The following TPRA1 variants were observed in gnomAD, a reference collection of about 807,000 sequenced individuals.
TPRA1 encodes transmembrane protein adipocyte-associated 1.
In TPRA1, 28 loss-of-function variants were observed where a neutral mutation model predicts 40.1. The observed-to-expected ratio is 0.70, with a 90% CI of 0.52 to 0.96. The LOEUF (loss-of-function observed/expected upper bound fraction) is 0.96, where lower values mean the gene tolerates loss of function less well. Among genes scored for constraint, TPRA1 ranks in the 40% least tolerant of loss-of-function variants. The probability of loss-of-function intolerance (pLI) is 0.00; values close to 1 mark genes in which losing one functional copy is unlikely to be tolerated. For missense variants in TPRA1, 441 were observed against 482.6 expected, an observed-to-expected ratio of 0.91 and a Z score of 0.81; for synonymous variants, 219 against 209.7, an observed-to-expected ratio of 1.04 and a Z score of -0.38.
intron 1 of TPRA1, 129 bp from the exon 2 acceptor site, chr3:127,580,292 C>T: frequency 1.9e-6 from 2 of 1,057,584 alleles, no homozygotes; most frequent in Middle Eastern, 3.1e-4. Context: ...CCCTCCCCAC[C>T]CACTGCAGCT....
At chr3:127,590,025 G>C (rs1425226135) in intron 1 of TPRA1, among the ~76,000 whole-genome samples, 1 of 152,222 alleles carries the variant, frequency 6.6e-6, no homozygotes, top group Non-Finnish European at 1.5e-5. Flanking sequence ...GCTTGGCTCA[G>C]GAGCACCTCG....
intron 3 of TPRA1, among the ~76,000 whole-genome samples, chr3:127,578,473 G>T (rs2073719570): frequency 1.3e-5 from 2 of 152,202 alleles, no homozygotes; most frequent in Admixed American, 1.3e-4. Context: ...GTCCCCAAAA[G>T]TTGATGGGCT....
intron 7 of TPRA1, 38 bp from the exon 8 acceptor site, chr3:127,575,847 G>A (rs765846043): frequency 1.6e-5 from 26 of 1,611,410 alleles, no homozygotes; most frequent in Admixed American, 1.0e-4. Flanking sequence ...TGCTGGGGGC[G>A]CCAGCCCAGA....
At chr3:127,581,679 G>A (rs899576727) in intron 1 of TPRA1, among the ~76,000 whole-genome samples, 1 of 151,822 alleles carries the variant, frequency 6.6e-6, no homozygotes, top group Middle Eastern at 3.4e-3. Context: ...TTGGGAGGCC[G>A]AGGCGGGCAG....
intron 1 of TPRA1, 104 bp from the exon 2 acceptor site, chr3:127,580,267 C>T: frequency 7.3e-7 from 1 of 1,363,148 alleles, no homozygotes; most frequent in Non-Finnish European, 9.8e-7. Context: ...CTGCACAGAG[C>T]ACCCCTGTAA....
chr3:127,591,688 G>C (rs147036508), upstream of TPRA1, among the ~76,000 whole-genome samples: 3 of 152,128 alleles, frequency 2.0e-5, no homozygotes, highest in Non-Finnish European at 4.4e-5. Context: ...ATTTCCTTCC[G>C]AGCATCTTAA....
At chr3:127,579,947 C>T in intron 2 of TPRA1, 75 bp from the exon 3 acceptor site, 1 of 1,609,002 alleles carries the variant, frequency 6.2e-7, no homozygotes. Context: ...CAATCTGCCC[C>T]ACCCTCACCA....
intron 7 of TPRA1, 28 bp downstream of exon 7, chr3:127,575,912 A>G (rs2073601537): frequency 6.2e-7 from 1 of 1,612,618 alleles, no homozygotes; most frequent in East Asian, 2.2e-5. Flanking sequence ...GGCCCCAGCC[A>G]CCCCAGCTGC....
chr3:127,579,780 C>A lies in TPRA1; in HGVS notation c.218G>T (p.Arg73Leu). The change falls in exon 3 of 11, where the codon CGC becomes CTC. Residue 73 changes from arginine to leucine, a missense_variant. Coordinates refer to ENST00000355552, the MANE Select transcript of TPRA1 (RefSeq NM_001136053.4). ...WKLPSARAKI[R>L]ITSSPIFITF... ...GATAAAAATGGGGCTGGAGGTGATG[C>A]GGATCTTCGCCCGAGCAGATGGAAG... The A allele has an allele frequency of 6.2e-7, 1 of 1,614,092 alleles. No individual in the cohort carries two copies. Among genetic ancestry groups the A allele is most frequent in the Non-Finnish European group, 8.5e-7 (1 of 1,180,026 alleles).
At chr3:127,589,816 C>T (rs1288352653) in intron 1 of TPRA1, among the ~76,000 whole-genome samples, 1 of 152,214 alleles carries the variant, frequency 6.6e-6, no homozygotes, top group East Asian at 1.9e-4. Flanking sequence ...CGACACGAGC[C>T]CTCAACAGGT....
intron 1 of TPRA1, among the ~76,000 whole-genome samples, chr3:127,582,080 A>G (rs907099593): frequency 6.6e-6 from 1 of 152,224 alleles, no homozygotes; most frequent in African/African-American, 2.4e-5. Flanking sequence ...CACCAAAGCT[A>G]TCCCTGAACA....
upstream of TPRA1, chr3:127,594,819 A>T (rs2107678957): frequency 6.6e-6 from 1 of 152,464 alleles, no homozygotes; most frequent in African/African-American, 2.4e-5. Flanking sequence ...CAGCGGTCGC[A>T]TGGAGCCCTT....
intron 3 of TPRA1, among the ~76,000 whole-genome samples, chr3:127,578,286 A>G (rs916637325): frequency 6.6e-6 from 1 of 152,246 alleles, no homozygotes; most frequent in African/African-American, 2.4e-5. Context: ...AGACGACTTC[A>G]TAGGTGCTCA....
chr3:127,574,192 C>T lies in TPRA1; in HGVS notation c.855-404G>A, dbSNP rs79431214. Among the ~76,000 whole-genome samples, 16 of 152,358 alleles carry T rather than the reference C, an allele frequency of 1.1e-4. No homozygotes were observed. The East Asian group carries it at 1.7e-3, about 17-fold the overall frequency. On this transcript the variant is annotated intron_variant, in intron 10 of 10. Transcript: ENST00000355552. ...CCCACTCCACTCTGACCTCGTCCCTCGGCCCTCAGGGCAACTCTCCAAGGG... is the reference window on the plus strand; with the variant it reads ...CCCACTCCACTCTGACCTCGTCCCTTGGCCCTCAGGGCAACTCTCCAAGGG...
rs558518764 is a variant in TPRA1, at chr3:127,580,356, C to A, written c.-17-193G>T. The A allele has an allele frequency of 1.2e-4, 72 of 599,124 alleles. No homozygotes were observed. The African/African-American group carries it at 1.3e-3, about 10-fold the overall frequency. The allele number at this position is 599,124 out of a possible 1,614,324, so 37.1% of individuals were successfully genotyped here. ...CCAATCCCCCAGGCAGGGGCCCAGT[C>A]CCCCATCTCAGGCTCTATCTCACGA... On this transcript the variant is annotated intron_variant, in intron 1 of 10. Coordinates refer to ENST00000355552, the MANE Select transcript of TPRA1 (RefSeq NM_001136053.4).
chr3:127,597,354 C>T (rs1292051409), intron 1 of TPRA1, among the ~76,000 whole-genome samples: 1 of 152,246 alleles, frequency 6.6e-6, no homozygotes, highest in African/African-American at 2.4e-5. Flanking sequence ...CACCTGGTAG[C>T]AGCCAGAGGG....
Position 127,572,664 on chromosome 3 carries a change from A to G in TPRA1, c.*857T>C, listed in dbSNP as rs2073409017. ...TACTGTACGCCAGCCACTCGTGCTT[A>G]GTGTTTTCCAATCCTTACAAAAGGC... On this transcript the variant is annotated 3_prime_UTR_variant, in exon 11 of 11. Transcript: ENST00000355552. 6.6e-6 allele frequency among the ~76,000 whole-genome samples: 1 copy of G among 152,210 alleles called. No homozygotes were observed. Among genetic ancestry groups the G allele is most frequent in the Non-Finnish European group, 1.5e-5 (1 of 68,032 alleles).
At chr3:127,579,555 T>C (rs773682910) in intron 3 of TPRA1, among the ~76,000 whole-genome samples, 185 bp downstream of exon 3, 1 of 152,114 alleles carries the variant, frequency 6.6e-6, no homozygotes, top group Non-Finnish European at 1.5e-5. Flanking sequence ...TTTGACACCA[T>C]ATGAGGGGAA....
At position 127,586,932 on chromosome 3, in the gene TPRA1, A is replaced by G. The variant is rs536062168; in HGVS notation, c.-18+3478T>C. 1.8e-4 allele frequency among the ~76,000 whole-genome samples: 28 copies of G among 152,306 alleles called. No individual in the cohort carries two copies. In the East Asian group the frequency reaches 5.4e-3, roughly 29 times the overall value. On this transcript the variant is annotated intron_variant, in intron 1 of 10. Coordinates refer to ENST00000355552, the MANE Select transcript of TPRA1 (RefSeq NM_001136053.4). ...GGTGGGCTTCTGGTTTTGCCTGCCC[A>G]GCATCCAGGCTGCTGCCAGTTGGTA...
Sources: gnomAD v4.1 joint callset for allele counts (sites outside exome capture counted in the v4.1 genomes callset) on GRCh38, gnomAD v4.1.1 for gene constraint, MANE v1.5 for transcripts, NCBI Gene and HGNC (gene_info 2026-07-23, HGNC 2026-07-21) for gene names.